Variants in PCDHA1 observed in about 807,000 individuals in gnomAD.
PCDHA1 encodes protocadherin alpha 1, also known as protocadherin alpha-1.
A neutral mutation model predicts 61.3 loss-of-function variants in PCDHA1; 42 were observed. That is an observed-to-expected ratio of 0.69 (90% CI 0.54 to 0.89). The LOEUF is 0.89. PCDHA1 is among the 40% of genes least tolerant of loss of function. The pLI is 0.00. For synonymous variants in PCDHA1, 610 were observed against 553.8 expected, an observed-to-expected ratio of 1.10 and a Z score of -1.43; for missense variants, 1,256 against 1,235.3, an observed-to-expected ratio of 1.02 and a Z score of -0.25.
At chr5:141,006,995 A>C (rs1277177404) in intron 3 of PCDHA1, among the ~76,000 whole-genome samples, 1 of 152,208 alleles carries the variant, frequency 6.6e-6, no homozygotes, top group Non-Finnish European at 1.5e-5. Flanking sequence ...TTAAAATATA[A>C]GTCTGCATCT....
intron 1 of PCDHA1, chr5:140,870,192 G>C: frequency 1.9e-6 from 3 of 1,614,158 alleles, no homozygotes; most frequent in Non-Finnish European, 2.5e-6. Context: ...AGGACGCTCA[G>C]CCCAGCACGG....
At chr5:140,849,831 GC>G in intron 1 of PCDHA1, 1 of 1,598,564 alleles carries the variant, frequency 6.3e-7, no homozygotes, top group Non-Finnish European at 8.6e-7. Context: ...TGTGGAGGTG[GC>G]CGACGTGAAC....
At chr5:140,889,946 C>T (rs1554184112) in intron 1 of PCDHA1, among the ~76,000 whole-genome samples, 1 of 152,114 alleles carries the variant, frequency 6.6e-6, no homozygotes, top group East Asian at 1.9e-4. Flanking sequence ...TGTGAGAAGC[C>T]AAATGGATAG....
At chr5:140,791,439 A>G (rs1761649916) in intron 1 of PCDHA1, among the ~76,000 whole-genome samples, 2 of 152,236 alleles carry the variant, frequency 1.3e-5, no homozygotes, top group Admixed American at 1.3e-4. Flanking sequence ...GAAGTCCCCA[A>G]TAACTACAAA....
intron 1 of PCDHA1, chr5:140,858,002 G>C (rs782820218): frequency 6.3e-7 from 1 of 1,596,914 alleles, no homozygotes; most frequent in Admixed American, 1.7e-5. Flanking sequence ...GCTGGTGAAG[G>C]ACCATGGCGA....
intron 1 of PCDHA1, chr5:140,883,399 T>C (rs143292342): frequency 3.1e-5 from 50 of 1,614,100 alleles, no homozygotes; most frequent in Non-Finnish European, 4.1e-5. Flanking sequence ...TGTCCGATCG[T>C]GACTCTGGCT....
chr5:140,994,141 C>T (rs782520855), intron 3 of PCDHA1, among the ~76,000 whole-genome samples: 1 of 152,256 alleles, frequency 6.6e-6, no homozygotes, highest in African/African-American at 2.4e-5. Context: ...TAATGCCCTA[C>T]GTAGGTAGGG....
chr5:140,846,597 A>G (rs930246175), intron 1 of PCDHA1, among the ~76,000 whole-genome samples: 2 of 148,430 alleles, frequency 1.3e-5, no homozygotes, highest in Non-Finnish European at 3.0e-5. Context: ...GATGGTCTCG[A>G]TCTCCTGACC....
In PCDHA1 at chr5:140,787,105, G is replaced by T; in HGVS notation, c.815G>T (p.Gly272Val). 1.2e-6 allele frequency: 2 copies of T among 1,614,192 alleles called. No homozygotes were observed. Among genetic ancestry groups the T allele is most frequent in the East Asian group, 2.2e-5 (1 of 44,890 alleles). The change falls in exon 1 of 4, where the codon GGT becomes GTT. Residue 272 changes from glycine (G) to valine (V), a missense_variant. Gly to Val is a moderately radical substitution (Grantham distance 109, BLOSUM62 -3). Coordinates refer to ENST00000504120, the MANE Select transcript of PCDHA1 (RefSeq NM_018900.4). ...TTLNASDADE[G>V]VNGEVVFSFD... Reference sequence around the variant, plus strand: ...TTAAATGCCTCTGATGCTGACGAAGGTGTAAATGGTGAAGTCGTCTTTTCC... The same window carrying T: ...TTAAATGCCTCTGATGCTGACGAAGTTGTAAATGGTGAAGTCGTCTTTTCC...
chr5:140,801,969 G>T (rs1762821998), intron 1 of PCDHA1: 1 of 1,614,032 alleles, frequency 6.2e-7, no homozygotes, highest in Non-Finnish European at 8.5e-7. Context: ...TGCACCAAAT[G>T]GTACCCTAGT....
chr5:140,887,201 A>G (rs1331832646), intron 1 of PCDHA1, among the ~76,000 whole-genome samples: 1 of 150,710 alleles, frequency 6.6e-6, no homozygotes, highest in Non-Finnish European at 1.5e-5. Context: ...GGTTCACGCC[A>G]TTCTCCTGCC....
rs2150415705 is a variant in PCDHA1 at position 140,848,636 on chromosome 5, C to G, written c.2394+59952C>G. 17 of 1,593,284 alleles carry G rather than the reference C, an allele frequency of 1.1e-5. 2 individuals carry two copies. The highest frequency in any genetic ancestry group is 6.7e-5 in the African/African-American group (5 of 74,384). On this transcript the variant is annotated intron_variant, in intron 1 of 3. Transcript: ENST00000504120. Reference sequence around the variant, plus strand: ...CCGAACACGGCACCTTCGTGGGCCGCATCGCGCAGGACCTGGGGCTGGAGC... The same window carrying G: ...CCGAACACGGCACCTTCGTGGGCCGGATCGCGCAGGACCTGGGGCTGGAGC...
intron 1 of PCDHA1, chr5:140,870,359 C>T (rs781862161): frequency 2.5e-6 from 4 of 1,614,204 alleles, no homozygotes; most frequent in Middle Eastern, 1.6e-4. Context: ...AACGTGTGGG[C>T]CTATGAACTG....
In PCDHA1 at chr5:141,010,126, C is replaced by A; in HGVS notation, c.*189C>A. The A allele has an allele frequency of 6.2e-7, 1 of 1,602,364 alleles. No homozygotes were observed. The highest frequency in any genetic ancestry group is 1.1e-5 in the South Asian group (1 of 89,898). ...TTTTGTCGTAAAAGCTTTACTAAGT[C>A]TGGTGTTAACTCTTTCTCTCCACTC... On this transcript the variant is annotated 3_prime_UTR_variant, in exon 4 of 4. Coordinates refer to ENST00000504120, the MANE Select transcript of PCDHA1 (RefSeq NM_018900.4).
intron 1 of PCDHA1, chr5:140,860,142 T>C (rs1288609086): frequency 1.3e-5 from 2 of 149,904 alleles, no homozygotes; most frequent in Admixed American, 6.7e-5. Flanking sequence ...TGTATATATA[T>C]GTATATATGT....
intron 1 of PCDHA1, chr5:140,803,428 C>A (rs781912218): frequency 6.2e-7 from 1 of 1,614,170 alleles, no homozygotes; most frequent in Non-Finnish European, 8.5e-7. Context: ...TGCTCCAGCG[C>A]GGTGGGGAGC....
At chr5:140,898,233 C>T (rs2066607638) in intron 1 of PCDHA1, among the ~76,000 whole-genome samples, 1 of 152,126 alleles carries the variant, frequency 6.6e-6, no homozygotes, top group African/African-American at 2.4e-5. Flanking sequence ...GTTGCCATTG[C>T]TTTTGGTGTT....
intron 1 of PCDHA1, among the ~76,000 whole-genome samples, chr5:140,921,678 A>C (rs2080326339): frequency 6.6e-6 from 1 of 152,222 alleles, no homozygotes; most frequent in South Asian, 2.1e-4. Context: ...AGTTATCATC[A>C]AACACTGGCC....
At chr5:140,803,364 T>A in intron 1 of PCDHA1, 1 of 1,614,186 alleles carries the variant, frequency 6.2e-7, no homozygotes, top group African/African-American at 1.3e-5. Context: ...TGCTCTGCGG[T>A]GCTCCGCGCC....
Sources: gnomAD v4.1 joint callset for allele counts (sites outside exome capture counted in the v4.1 genomes callset) on GRCh38, gnomAD v4.1.1 for gene constraint, MANE v1.5 for transcripts, NCBI Gene and HGNC (gene_info 2026-07-23, HGNC 2026-07-21) for gene names.